ARHGAP32: variants seen among roughly 807,000 people sequenced by gnomAD.
ARHGAP32 encodes Rho GTPase activating protein 32.
A neutral mutation model predicts 186.5 loss-of-function variants in ARHGAP32; 51 were observed. The observed-to-expected ratio is 0.27, with a 90% CI of 0.22 to 0.35. The LOEUF is 0.35. ARHGAP32 is among the 10% of genes least tolerant of loss of function. The probability of loss-of-function intolerance (pLI) is 1.00; values close to 1 mark genes in which losing one functional copy is unlikely to be tolerated. For missense variants in ARHGAP32, 2,186 were observed against 2,623.5 expected (o/e 0.83, Z 3.64); for synonymous variants, 950 against 964.3 (o/e 0.99, Z 0.27).
intron 6 of ARHGAP32, among the ~76,000 whole-genome samples, chr11:129,078,961 C>A: frequency 6.7e-6 from 1 of 149,904 alleles, no homozygotes; most frequent in Non-Finnish European, 1.5e-5. Flanking sequence ...TAGAGAAATG[C>A]AAAATAGACT....
chr11:129,268,660 T>A (rs1591387977), intron 1 of ARHGAP32, among the ~76,000 whole-genome samples: 1 of 45,794 alleles, frequency 2.2e-5, no homozygotes, highest in Non-Finnish European at 4.0e-5. Flanking sequence ...ATTTGCCTCC[T>A]CACCAAAAAA....
At chr11:129,015,111 T>C (rs986739130) in intron 11 of ARHGAP32, among the ~76,000 whole-genome samples, 4 of 152,150 alleles carry the variant, frequency 2.6e-5, no homozygotes, top group African/African-American at 7.2e-5. Context: ...TAACAAATGT[T>C]AAGAATTGGA....
intron 1 of ARHGAP32, among the ~76,000 whole-genome samples, chr11:129,203,620 G>A (rs1204171930): frequency 6.6e-6 from 1 of 150,676 alleles, no homozygotes; most frequent in African/African-American, 2.4e-5. Flanking sequence ...GCCAGGTGTG[G>A]TGGTTTACCC....
At chr11:129,017,336 C>T (rs1453269357) in intron 11 of ARHGAP32, among the ~76,000 whole-genome samples, 3 of 151,262 alleles carry the variant, frequency 2.0e-5, no homozygotes, top group African/African-American at 4.9e-5. Context: ...CACCTGTAAT[C>T]GCAGCTACTC....
In ARHGAP32 at chr11:129,191,943, C is replaced by G. The variant is rs940375101; in HGVS notation, c.116+140G>C. ...GAGGAGTGCTATATACAACTCAAAACCTGCTCCCTTGAGCTCCAAACCTTC... is the reference window on the plus strand; with the variant it reads ...GAGGAGTGCTATATACAACTCAAAAGCTGCTCCCTTGAGCTCCAAACCTTC... On this transcript the variant is annotated intron_variant, in intron 1 of 22. Transcript: ENST00000682385. 1.4e-5 allele frequency: 9 copies of G among 654,694 alleles called. No individual in the cohort carries two copies. The African/African-American group carries it at 1.6e-4, about 12-fold the overall frequency. 40.6% of individuals were successfully genotyped at this position (654,694 alleles called of 1,614,324 possible).
chr11:129,256,682 G>T (rs1308009403), intron 1 of ARHGAP32, among the ~76,000 whole-genome samples: 2 of 152,146 alleles, frequency 1.3e-5, no homozygotes, highest in African/African-American at 4.8e-5. Context: ...TTGTTAAACT[G>T]TAAGAAGAAT....
chr11:129,046,190 G>C (rs994200452), intron 10 of ARHGAP32, among the ~76,000 whole-genome samples: 4 of 152,002 alleles, frequency 2.6e-5, no homozygotes, highest in African/African-American at 4.8e-5. Context: ...GAAGCAGAAG[G>C]GCACTCAGTT....
At chr11:129,274,157 T>G (rs559981422) in intron 1 of ARHGAP32, among the ~76,000 whole-genome samples, 2 of 152,304 alleles carry the variant, frequency 1.3e-5, no homozygotes, top group South Asian at 4.2e-4. Context: ...ACAATCTCCT[T>G]TAAATACAAG....
intron 1 of ARHGAP32, among the ~76,000 whole-genome samples, chr11:129,207,352 C>T (rs1944527039): frequency 2.6e-5 from 4 of 152,216 alleles, no homozygotes; most frequent in Admixed American, 2.6e-4. Context: ...TATACTCCCA[C>T]CAACAGTGTA....
chr11:129,147,267 C>G (rs549010177), intron 2 of ARHGAP32, among the ~76,000 whole-genome samples: 1 of 152,090 alleles, frequency 6.6e-6, no homozygotes. Context: ...AGTGCTTAGA[C>G]AATTCACTGT....
chr11:129,246,781 C>T (rs990117721), intron 1 of ARHGAP32, among the ~76,000 whole-genome samples: 3 of 152,170 alleles, frequency 2.0e-5, no homozygotes, highest in Non-Finnish European at 4.4e-5. Flanking sequence ...ACTAATTTTG[C>T]AGGGTGATCA....
At chr11:129,089,035 C>T (rs1941497571) in intron 6 of ARHGAP32, among the ~76,000 whole-genome samples, 1 of 145,910 alleles carries the variant, frequency 6.9e-6, no homozygotes, top group African/African-American at 2.5e-5. Context: ...GCATTACTAC[C>T]AATTACTACC....
intron 5 of ARHGAP32, among the ~76,000 whole-genome samples, chr11:129,109,968 A>G (rs1470023212): frequency 6.6e-6 from 1 of 151,906 alleles, no homozygotes; most frequent in Non-Finnish European, 1.5e-5. Context: ...TCATTTGTCT[A>G]TTTTTGTTTC....
intron 11 of ARHGAP32, among the ~76,000 whole-genome samples, chr11:129,031,244 T>C (rs1240545409): frequency 1.3e-5 from 2 of 152,180 alleles, no homozygotes; most frequent in African/African-American, 2.4e-5. Flanking sequence ...TTAAATAACA[T>C]AGTAAATAAA....
chr11:129,195,281 C>T (rs1487893543), upstream of ARHGAP32, among the ~76,000 whole-genome samples: 1 of 151,906 alleles, frequency 6.6e-6, no homozygotes, highest in Non-Finnish European at 1.5e-5. Context: ...TGCCCGGCCT[C>T]AAAGCGTTTT....
intron 5 of ARHGAP32, among the ~76,000 whole-genome samples, chr11:129,110,449 T>C (rs566115344): frequency 6.6e-6 from 1 of 152,330 alleles, no homozygotes; most frequent in South Asian, 2.1e-4. Flanking sequence ...ATATAAATGT[T>C]AGGATTGTTT....
chr11:129,244,442 A>G (rs1945060505), intron 1 of ARHGAP32, among the ~76,000 whole-genome samples: 1 of 152,238 alleles, frequency 6.6e-6, no homozygotes, highest in Admixed American at 6.5e-5. Flanking sequence ...TATTTTTTAA[A>G]CGTTTTCTAA....
chr11:128,980,457 G>T, intron 18 of ARHGAP32, 96 bp downstream of exon 18: 1 of 970,166 alleles, frequency 1.0e-6, no homozygotes. Flanking sequence ...ATTCAATAGA[G>T]TAATACTAAA....
chr11:129,065,818 T>A (rs141138849), intron 7 of ARHGAP32, among the ~76,000 whole-genome samples: 13 of 152,224 alleles, frequency 8.5e-5, no homozygotes, highest in Non-Finnish European at 1.2e-4. Context: ...CTGGACCTAT[T>A]CTCCATGACT....
Sources: gnomAD v4.1 joint callset for allele counts (sites outside exome capture counted in the v4.1 genomes callset) on GRCh38, gnomAD v4.1.1 for gene constraint, MANE v1.5 for transcripts, NCBI Gene and HGNC (gene_info 2026-07-23, HGNC 2026-07-21) for gene names.